TAF1: variants seen among roughly 807,000 people sequenced by gnomAD.
TAF1 encodes the protein TATA-box binding protein associated factor 1.
TAF1 carries 2 observed loss-of-function variants against 138.5 expected under a neutral mutation model. The ratio of observed to expected loss-of-function variants is 0.01; its 90% confidence interval spans 0.01 to 0.05. The LOEUF (loss-of-function observed/expected upper bound fraction) is 0.05. Among genes scored for constraint, TAF1 ranks in the 10% least tolerant of loss-of-function variants. TAF1 has a pLI of 1.00. For missense variants in TAF1, 709 were observed against 1,478.0 expected, an observed-to-expected ratio of 0.48 and a Z score of 8.53; for synonymous variants, 437 against 503.2, an observed-to-expected ratio of 0.87 and a Z score of 1.76.
chrX:71,387,485 G>A lies in TAF1; in HGVS notation c.2427+24G>A, dbSNP rs865854996. ...AGGTAAGAATGGGAGGATAGGGAGG[G>A]GATTGGGTTGTATACAGAAAGGGTA... On this transcript the variant is annotated intron_variant, in intron 15 of 37. Coordinates refer to ENST00000423759, the MANE Select transcript of TAF1 (RefSeq NM_004606.5). 3.3e-6 allele frequency: 4 copies of A among 1,208,710 alleles called. No homozygotes were observed. In the Middle Eastern group the frequency reaches 9.3e-4, roughly 281 times the overall value.
Position 71,373,422 on chromosome X carries a change from C to G in TAF1, c.353-1745C>G, listed in dbSNP as rs924123431. Among the ~76,000 whole-genome samples the G allele has an allele frequency of 6.3e-5, 7 of 111,026 alleles. No individual in the cohort carries two copies. The Admixed American group carries it at 6.8e-4, about 11-fold the overall frequency. Reference sequence around the variant, plus strand: ...AGCTCAGGCAATCCGCTCGCCTCAGCCTCCCAAAGTGCTGGGATTACAGGT... The same window carrying G: ...AGCTCAGGCAATCCGCTCGCCTCAGGCTCCCAAAGTGCTGGGATTACAGGT... On this transcript the variant is annotated intron_variant, in intron 3 of 37. Coordinates refer to ENST00000423759, the MANE Select transcript of TAF1 (RefSeq NM_004606.5).
chrX:71,520,247 C>T (rs769700281), intron 13 of TAF1, among the ~76,000 whole-genome samples: 3 of 101,506 alleles, frequency 3.0e-5, no homozygotes, highest in African/African-American at 1.1e-4. Flanking sequence ...GGGTTCACGC[C>T]ATTATCCTGC....
At chrX:71,376,840 C>T in intron 4 of TAF1, 110 bp from the exon 5 acceptor site, 1 of 1,072,028 alleles carries the variant, frequency 9.3e-7, no homozygotes, top group Non-Finnish European at 1.2e-6. Context: ...GTGCTTGGGC[C>T]TATATCTCCT....
chrX:71,463,679 CAG>C (rs1244454562), intron 37 of TAF1, 143 bp from the exon 38 acceptor site: 11 of 529,118 alleles, frequency 2.1e-5, no homozygotes, highest in African/African-American at 7.1e-5. Flanking sequence ...ATTTTTCTCT[CAG>C]GGACATGTAG....
At chrX:71,422,176 C>G (rs1452508657) in intron 29 of TAF1, among the ~76,000 whole-genome samples, 2 of 111,570 alleles carry the variant, frequency 1.8e-5, no homozygotes, top group Non-Finnish European at 3.8e-5. Flanking sequence ...GATCTTAAAG[C>G]CTAAATTGCT....
In TAF1 at chrX:71,458,211, A is replaced by C. The variant is rs187916421; in HGVS notation, c.4939-30A>C. 1.4e-4 allele frequency: 172 copies of C among 1,202,599 alleles called. 1 individual carries two copies. In the African/African-American group the frequency reaches 2.5e-3, roughly 18 times the overall value. On this transcript the variant is annotated intron_variant, in intron 34 of 37. Transcript: ENST00000423759. ...TGTATTTATTTTCCCTTTCCTAGAT[A>C]GAAGCTAAGTTGTATGTTTTGTGCC...
At chrX:71,366,594 G>T in intron 1 of TAF1, 100 bp downstream of exon 1, 1 of 885,900 alleles carries the variant, frequency 1.1e-6, no homozygotes, top group Admixed American at 3.6e-5. Context: ...GCGAGAACAG[G>T]GCGCAGCTAA....
chrX:71,454,361 C>A, intron 33 of TAF1, 124 bp downstream of exon 33: 2 of 561,574 alleles, frequency 3.6e-6, no homozygotes, highest in Non-Finnish European at 5.6e-6. Flanking sequence ...CCCAGCTACT[C>A]GTCTGAGGTA....
intron 29 of TAF1, among the ~76,000 whole-genome samples, chrX:71,422,482 A>AT (rs537053885): frequency 3.2e-3 from 287 of 90,037 alleles, no homozygotes; most frequent in Middle Eastern, 0.02. Context: ...CGCCCAGCTA[A>AT]TTTTTTTTTT....
intron 32 of TAF1, among the ~76,000 whole-genome samples, chrX:71,441,454 A>G (rs1473150102): frequency 9.0e-6 from 1 of 111,131 alleles, no homozygotes; most frequent in Non-Finnish European, 1.9e-5. Context: ...TAGCAATTGT[A>G]CATATTCTTG....
intron 3 of TAF1, among the ~76,000 whole-genome samples, chrX:71,371,485 GA>G (rs1181536501): frequency 3.6e-5 from 4 of 111,781 alleles, no homozygotes; most frequent in African/African-American, 1.3e-4. Flanking sequence ...GAGATATTTA[GA>G]AATAAGCAAG....
chrX:71,434,439 G>T (rs768481412), intron 32 of TAF1, among the ~76,000 whole-genome samples: 1 of 111,584 alleles, frequency 9.0e-6, no homozygotes, highest in Non-Finnish European at 1.9e-5. Context: ...CTGCATATGA[G>T]CATATTTCTA....
intron 13 of TAF1, among the ~76,000 whole-genome samples, chrX:71,478,087 G>T (rs2039009971): frequency 9.0e-6 from 1 of 110,948 alleles, no homozygotes; most frequent in Admixed American, 9.7e-5. Flanking sequence ...AACTGATAAA[G>T]AATAACTATC....
chrX:71,448,266 G>T lies in TAF1; in HGVS notation c.4754-5904G>T, dbSNP rs767911878. Among the ~76,000 whole-genome samples the T allele has an allele frequency of 4.5e-5, 5 of 111,444 alleles. No individual in the cohort carries two copies. The East Asian group carries it at 1.4e-3, about 31-fold the overall frequency. Reference sequence around the variant, plus strand: ...TTCCTGTAGAGGCTCTATTGTCTTTGTCTCTTTACTTGGATTCCTCATTTC... The same window carrying T: ...TTCCTGTAGAGGCTCTATTGTCTTTTTCTCTTTACTTGGATTCCTCATTTC... On this transcript the variant is annotated intron_variant, in intron 32 of 37. Coordinates refer to ENST00000423759, the MANE Select transcript of TAF1 (RefSeq NM_004606.5).
At chrX:71,476,176 C>T (rs1487950154) in intron 13 of TAF1, among the ~76,000 whole-genome samples, 1 of 111,917 alleles carries the variant, frequency 8.9e-6, no homozygotes, top group Non-Finnish European at 1.9e-5. Context: ...GAAAAGATAT[C>T]TTAAATTGAT....
intron 13 of TAF1, chrX:71,491,046 T>TTG (rs2039271604): frequency 1.1e-5 from 1 of 94,466 alleles, no homozygotes; most frequent in African/African-American, 4.0e-5. Context: ...TGTTGTTGTT[T>TTG]TTTTTTTTTT....
intron 37 of TAF1, among the ~76,000 whole-genome samples, chrX:71,461,622 GTTAAAT>G (rs2038553663): frequency 8.9e-6 from 1 of 111,841 alleles, no homozygotes; most frequent in African/African-American, 3.3e-5. Context: ...CTTTGGACAA[GTTAAAT>G]TTAATGTATC....
At chrX:71,383,460 T>C (rs904080414) in intron 12 of TAF1, among the ~76,000 whole-genome samples, 6 of 112,446 alleles carry the variant, frequency 5.3e-5, no homozygotes, top group Non-Finnish European at 1.1e-4. Flanking sequence ...TAAGTGTTCA[T>C]AGTACAGTCG....
rs1468505338 is a variant in TAF1, at chrX:71,458,344, C to A, written c.5042C>A (p.Thr1681Asn). Reference protein sequence around the residue: ...NMSVLDIPSATPEKQVTQEGE... With the variant: ...NMSVLDIPSANPEKQVTQEGE... ...TCTGTCTTGGATATTCCCAGTGCCACTCCAGAAAAGCAGGTAACACAGGTA... is the reference window on the plus strand; with the variant it reads ...TCTGTCTTGGATATTCCCAGTGCCAATCCAGAAAAGCAGGTAACACAGGTA... Residue 1681 changes from threonine (T) to asparagine (N), a missense_variant, in exon 35 of 38, where the codon ACT (threonine) becomes AAT (asparagine). Around this residue, in one of 14 missense-constraint regions of TAF1, gnomAD observed 123 missense variants for 174.7 expected, o/e 0.70. Coordinates refer to ENST00000423759, the MANE Select transcript of TAF1 (RefSeq NM_004606.5). 7 of 1,211,095 alleles carry A rather than the reference C, an allele frequency of 5.8e-6. No homozygotes were observed. The highest frequency in any genetic ancestry group is 7.8e-6 in the Non-Finnish European group (7 of 895,253).
Sources: gnomAD v4.1 joint callset for allele counts (sites outside exome capture counted in the v4.1 genomes callset) on GRCh38, gnomAD v4.1.1 for gene constraint, gnomAD v4.1.1 regional missense constraint, MANE v1.5 for transcripts, NCBI Gene and HGNC (gene_info 2026-07-23, HGNC 2026-07-21) for gene names.